OR6J1: variants seen among roughly 807,000 people sequenced by gnomAD.
OR6J1 encodes the protein olfactory receptor 6J1.
For missense variants in OR6J1, 304 were observed against 166.8 expected, an observed-to-expected ratio of 1.82 and a Z score of -4.53; for synonymous variants, 109 against 70.0, an observed-to-expected ratio of 1.56 and a Z score of -2.78.
At chr14:22,639,946 A>G (rs1237337141) in intron 1 of OR6J1, among the ~76,000 whole-genome samples, 1 of 136,062 alleles carries the variant, frequency 7.3e-6, no homozygotes. Flanking sequence ...ACCCTGCCAA[A>G]TCCTCCTCTG....
intron 1 of OR6J1, among the ~76,000 whole-genome samples, chr14:22,640,258 CAAGGAAGGAAGGAAGG>C (rs537492759): frequency 6.7e-4 from 53 of 79,612 alleles, no homozygotes; most frequent in African/African-American, 2.4e-3. Context: ...AGGAAGGAAG[CAAGGAAGGAAGGAAGG>C]AAGGAAGGAA....
At chr14:22,636,697 G>C (rs1338085696) in intron 1 of OR6J1, among the ~76,000 whole-genome samples, 22 of 116,784 alleles carry the variant, frequency 1.9e-4, no homozygotes, top group Non-Finnish European at 3.4e-4. Flanking sequence ...ATTGCGGACG[G>C]AGTCTCGTTC....
intron 1 of OR6J1, among the ~76,000 whole-genome samples, chr14:22,641,348 G>GGAA (rs1566397753): frequency 1.5e-5 from 2 of 133,680 alleles, no homozygotes; most frequent in African/African-American, 5.9e-5. Flanking sequence ...GAGGGAGGGA[G>GGAA]GGAAGAAAGA....
In OR6J1 at chr14:22,634,197, G is replaced by T; in HGVS notation, c.615C>A (p.Val205=). Residue 205 remains valine (V), a synonymous_variant, in exon 2 of 2, where the codon GTC becomes GTA. Coordinates refer to ENST00000540461, the MANE Select transcript of OR6J1 (RefSeq NM_001348233.2). ...CCACGAGGACTATGCAGCAGAGGATGACCATGGAAGAAAGCATAAAATCCA... is the reference window on the plus strand; with the variant it reads ...CCACGAGGACTATGCAGCAGAGGATTACCATGGAAGAAAGCATAAAATCCA... ...ELMDFMLSSM[V]ILCCIVLVAY... The T allele has an allele frequency of 1.4e-6, 1 of 703,474 alleles. No homozygotes were observed. Among genetic ancestry groups the T allele is most frequent in the South Asian group, 1.5e-5 (1 of 67,578 alleles). 43.6% of individuals were successfully genotyped at this position (703,474 alleles called of 1,614,324 possible). A position where few individuals can be genotyped will look rare whatever the true frequency, so the allele number is the denominator to read the frequency against.
chr14:22,638,729 G>A lies in OR6J1; in HGVS notation c.-27-3891C>T, dbSNP rs2037616449. The stretch of plus-strand genomic sequence containing the variant: ...CATTTTATACCCACTATATTGTCAA[G>A]AAGCAAAAATATGACAATAACAAGT... On this transcript the variant is annotated intron_variant, in intron 1 of 1. Transcript: ENST00000540461. Among the ~76,000 whole-genome samples, 6 of 152,114 alleles carry A rather than the reference G, an allele frequency of 3.9e-5. No homozygotes were observed. The South Asian group carries it at 1.2e-3, about 31-fold the overall frequency.
rs1312463830 is a variant in OR6J1, at chr14:22,632,099, C to T, written c.*1669G>A. ...ACGCAGAGCATAGGGGTTAATTTAG[C>T]AAAGTGGATGCTGCAGCACTGGCGG... On this transcript the variant is annotated 3_prime_UTR_variant, in exon 2 of 2. Transcript: ENST00000540461. 6.6e-6 allele frequency: 1 copy of T among 152,234 alleles called. No homozygotes were observed. Among genetic ancestry groups the T allele is most frequent in the East Asian group, 1.9e-4 (1 of 5,204 alleles). 9.4% of individuals were successfully genotyped at this position (152,234 alleles called of 1,614,324 possible). A position where few individuals can be genotyped will look rare whatever the true frequency, so the allele number is the denominator to read the frequency against.
At chr14:22,637,592 T>G (rs1316363273) in intron 1 of OR6J1, among the ~76,000 whole-genome samples, 3 of 38,772 alleles carry the variant, frequency 7.7e-5, no homozygotes, top group Admixed American at 2.2e-4. Flanking sequence ...GGTGGGGGGG[T>G]CAGCCCCCCG....
rs1183889876 is a variant in OR6J1, at chr14:22,643,714, A to AACACAC, written c.-28+378_-28+383dup. 1.2e-3 allele frequency among the ~76,000 whole-genome samples: 102 copies of AACACAC among 84,048 alleles called. 6 individuals are homozygous for AACACAC. Among genetic ancestry groups the AACACAC allele is most frequent in the South Asian group, 3.8e-3 (7 of 1,832 alleles). 55.1% of individuals were successfully genotyped at this position (84,048 alleles called of 152,430 possible). A position where few individuals can be genotyped will look rare whatever the true frequency, so the allele number is the denominator to read the frequency against. On this transcript the variant is annotated intron_variant, in intron 1 of 1. Transcript: ENST00000540461. ...AAGCCCTGACCCCTGGCATGGCAGA[A>AACACAC]ACACACACACACACACACACACACA...
At chr14:22,636,223 G>GCGCCCGCGCCCT (rs2037582328) in intron 1 of OR6J1, among the ~76,000 whole-genome samples, 1 of 87,758 alleles carries the variant, frequency 1.1e-5, no homozygotes, top group Non-Finnish European at 2.2e-5. Flanking sequence ...TAAGACACTA[G>GCGCCCGCGCCCT]CGCCCTCTCC....
chr14:22,639,942 C>A (rs1366305136), intron 1 of OR6J1, among the ~76,000 whole-genome samples: 1 of 133,074 alleles, frequency 7.5e-6, no homozygotes, highest in Admixed American at 7.4e-5. Flanking sequence ...CATGACCCTG[C>A]CAAATCCTCC....
At chr14:22,641,300 CAGAG>C (rs1566397699) in intron 1 of OR6J1, among the ~76,000 whole-genome samples, 1 of 44,060 alleles carries the variant, frequency 2.3e-5, no homozygotes, top group Non-Finnish European at 4.1e-5. Context: ...GAAAGAGAGA[CAGAG>C]AGGAAAGAGA....
rs58461902 is a variant in OR6J1 at position 22,644,297 on chromosome 14, C to A, written c.-227G>T. ...GCCTTAGCTGTGACCTCTTGTCCGA[C>A]GAGCATGCACTTGTGTTGTAGACAG... On this transcript the variant is annotated 5_prime_UTR_variant, in exon 1 of 2. Transcript: ENST00000540461. 2.6e-5 allele frequency: 4 copies of A among 152,236 alleles called. No individual in the cohort carries two copies. The highest frequency in any genetic ancestry group is 9.7e-5 in the African/African-American group (4 of 41,422). The allele number at this position is 152,236 out of a possible 1,614,324, so 9.4% of individuals were successfully genotyped here.
chr14:22,633,794 C>G lies in OR6J1; in HGVS notation c.1018G>C (p.Val340Leu). 1.4e-6 allele frequency: 1 copy of G among 695,380 alleles called. No homozygotes were observed. The highest frequency in any genetic ancestry group is 2.6e-6 in the Non-Finnish European group (1 of 381,052). The allele number at this position is 695,380 out of a possible 1,614,324, so 43.1% of individuals were successfully genotyped here. A position where few individuals can be genotyped will look rare whatever the true frequency, so the allele number is the denominator to read the frequency against. Residue 340 changes from valine (V) to leucine (L), a missense_variant, in exon 2 of 2, where the codon GTC becomes CTC. By Grantham distance (32) the Val-to-Leu change is conservative. Coordinates refer to ENST00000540461, the MANE Select transcript of OR6J1 (RefSeq NM_001348233.2). ...QGRACSSPPCVYSVKLQC is the reference protein window; with the variant it reads ...QGRACSSPPCLYSVKLQC The stretch of plus-strand genomic sequence containing the variant: ...TAACACTGGAGCTTTACAGAATAGA[C>G]ACATGGTGGAGAAGAGCAAGCCCTT...
intron 1 of OR6J1, among the ~76,000 whole-genome samples, chr14:22,641,792 G>A (rs2037655005): frequency 6.6e-6 from 1 of 152,122 alleles, no homozygotes; most frequent in Admixed American, 6.5e-5. Flanking sequence ...AGAAACAGAG[G>A]AAAAATTAAG....
chr14:22,633,664 A>G lies in OR6J1; in HGVS notation c.*104T>C. 1 of 598,760 alleles carries G rather than the reference A, an allele frequency of 1.7e-6. No homozygotes were observed. The highest frequency in any genetic ancestry group is 2.0e-5 in the South Asian group (1 of 49,148). The allele number at this position is 598,760 out of a possible 1,614,324, so 37.1% of individuals were successfully genotyped here. A position where few individuals can be genotyped will look rare whatever the true frequency, so the allele number is the denominator to read the frequency against. ...GCGGTCACAGATTAAAGTGAAAACCAAGGCCAGCGTTCAAGTCTCTGTCTC... is the reference window on the plus strand; with the variant it reads ...GCGGTCACAGATTAAAGTGAAAACCGAGGCCAGCGTTCAAGTCTCTGTCTC... On this transcript the variant is annotated 3_prime_UTR_variant, in exon 2 of 2. Transcript: ENST00000540461.
chr14:22,640,822 C>T (rs2037639804), intron 1 of OR6J1, among the ~76,000 whole-genome samples: 1 of 149,278 alleles, frequency 6.7e-6, no homozygotes, highest in Non-Finnish European at 1.5e-5. Flanking sequence ...CACCCAGCCT[C>T]TTCTTGATAT....
In OR6J1 at chr14:22,634,351, G is replaced by A. The variant is rs1287960586; in HGVS notation, c.461C>T (p.Ser154Phe). The A allele has an allele frequency of 2.8e-6, 2 of 703,212 alleles. No individual in the cohort carries two copies. The highest frequency in any genetic ancestry group is 1.7e-5 in the African/African-American group (1 of 57,232). The allele number at this position is 703,212 out of a possible 1,614,324, so 43.6% of individuals were successfully genotyped here. Residue 154 changes from serine (S) to phenylalanine (F), a missense_variant, in exon 2 of 2, where the codon TCT becomes TTT. Ser to Phe is a radical substitution (Grantham distance 155). Coordinates refer to ENST00000540461, the MANE Select transcript of OR6J1 (RefSeq NM_001348233.2). ...VVFSWVGGFL[S>F]VLFPTILISQ... ...GATGAGGATGGTTGGAAAGAGCACA[G>A]ACAGGAAGCCTCCCACCCAAGAGAA...
chr14:22,637,520 C>A (rs1454626170), intron 1 of OR6J1, among the ~76,000 whole-genome samples: 2 of 31,014 alleles, frequency 6.4e-5, no homozygotes, highest in Admixed American at 1.7e-4. Flanking sequence ...CCAGCCGCCC[C>A]GTCCGGGAGG....
At position 22,632,595 on chromosome 14, in the gene OR6J1, G is replaced by A. The variant is rs2037554169; in HGVS notation, c.*1173C>T. 1 of 152,256 alleles carries A rather than the reference G, an allele frequency of 6.6e-6. No homozygotes were observed. The highest frequency in any genetic ancestry group is 2.1e-4 in the South Asian group (1 of 4,826). 9.4% of individuals were successfully genotyped at this position (152,256 alleles called of 1,614,324 possible). ...CAAAAACAAAACAGATTCTTTCCAG[G>A]TGTATGGAGCCAGAAAAGGGGAGAA... On this transcript the variant is annotated 3_prime_UTR_variant, in exon 2 of 2. Transcript: ENST00000540461.
Sources: gnomAD v4.1 joint callset for allele counts (sites outside exome capture counted in the v4.1 genomes callset) on GRCh38, gnomAD v4.1.1 for gene constraint, MANE v1.5 for transcripts, NCBI Gene and HGNC (gene_info 2026-07-23, HGNC 2026-07-21) for gene names.